The following LHFPL3 variants were observed in gnomAD, a reference collection of about 807,000 sequenced individuals.
LHFPL3 encodes LHFPL tetraspan subfamily member 3.
Under a neutral mutation model 19.3 loss-of-function variants are expected in LHFPL3, and 5 were observed. The ratio of observed to expected loss-of-function variants is 0.26; its 90% confidence interval spans 0.14 to 0.54. The LOEUF is 0.54. Among genes scored for constraint, LHFPL3 ranks in the 20% least tolerant of loss-of-function variants. The probability of loss-of-function intolerance (pLI) is 0.94; values close to 1 mark genes in which losing one functional copy is unlikely to be tolerated. For missense variants in LHFPL3, 249 were observed against 307.4 expected (o/e 0.81, Z 1.42); for synonymous variants, 133 against 126.2 (o/e 1.05, Z -0.36).
intron 1 of LHFPL3, among the ~76,000 whole-genome samples, chr7:104,727,626 C>T (rs1294317801): frequency 6.6e-6 from 1 of 152,038 alleles, no homozygotes; most frequent in Non-Finnish European, 1.5e-5. Flanking sequence ...TATTGCAAAT[C>T]GGAAGAATTT....
At chr7:104,868,639 G>A (rs1211354516) in intron 2 of LHFPL3, among the ~76,000 whole-genome samples, 1 of 152,152 alleles carries the variant, frequency 6.6e-6, no homozygotes, top group Non-Finnish European at 1.5e-5. Flanking sequence ...TCGTGAAAAT[G>A]GCCATACTGC....
rs544448389 is a variant in LHFPL3, at chr7:104,626,575, A to T, written c.446-110100A>T. 1.1e-4 allele frequency among the ~76,000 whole-genome samples: 17 copies of T among 152,300 alleles called. No homozygotes were observed. The South Asian group carries it at 3.5e-3, about 32-fold the overall frequency. The stretch of plus-strand genomic sequence containing the variant: ...CAAAGGGATTTTAGATATTATGAAG[A>T]ACTGGGATGACTTAGTTGGGAACAT... On this transcript the variant is annotated intron_variant, in intron 1 of 2. Transcript: ENST00000424859.
At chr7:104,880,804 T>C (rs868813125) in intron 2 of LHFPL3, among the ~76,000 whole-genome samples, 15 of 152,316 alleles carry the variant, frequency 9.8e-5, no homozygotes, top group Middle Eastern at 6.8e-3. Context: ...TTCATGCCAG[T>C]TAATCCAATG....
intron 2 of LHFPL3, among the ~76,000 whole-genome samples, chr7:104,855,045 G>T (rs1487903837): frequency 6.6e-6 from 1 of 152,168 alleles, no homozygotes; most frequent in African/African-American, 2.4e-5. Flanking sequence ...CATTCTCCTT[G>T]ATCAGCTTAT....
At chr7:104,350,823 T>C (rs1165267575) in intron 1 of LHFPL3, among the ~76,000 whole-genome samples, 2 of 152,132 alleles carry the variant, frequency 1.3e-5, no homozygotes, top group African/African-American at 2.4e-5. Context: ...GTGAATTCCC[T>C]GAGGTCAGGA....
intron 1 of LHFPL3, among the ~76,000 whole-genome samples, chr7:104,608,761 T>C (rs1433103516): frequency 6.6e-6 from 1 of 152,106 alleles, no homozygotes; most frequent in East Asian, 1.9e-4. Flanking sequence ...GAGTGAATGG[T>C]ATTGGTGCAT....
chr7:104,562,260 T>A (rs56047720), intron 1 of LHFPL3, among the ~76,000 whole-genome samples: 32,858 of 151,348 alleles, frequency 0.22, 3,855 homozygotes, highest in Middle Eastern at 0.3. Flanking sequence ...TTCTCCTGGA[T>A]AATATCCTGC....
chr7:104,852,380 G>A (rs531846722), intron 2 of LHFPL3, among the ~76,000 whole-genome samples: 1 of 152,332 alleles, frequency 6.6e-6, no homozygotes, highest in East Asian at 1.9e-4. Context: ...AGGACACTAG[G>A]CAGGAAAGGG....
At chr7:104,853,973 G>A (rs1227191196) in intron 2 of LHFPL3, among the ~76,000 whole-genome samples, 1 of 152,124 alleles carries the variant, frequency 6.6e-6, no homozygotes, top group African/African-American at 2.4e-5. Context: ...AAGCAAAGAG[G>A]TGCTTGCATT....
intron 2 of LHFPL3, among the ~76,000 whole-genome samples, chr7:104,869,883 C>A (rs1791798679): frequency 6.6e-6 from 1 of 152,144 alleles, no homozygotes; most frequent in East Asian, 1.9e-4. Context: ...AAATGTGGCA[C>A]ATATACACCG....
chr7:104,350,649 C>T (rs575316252), intron 1 of LHFPL3, among the ~76,000 whole-genome samples: 13 of 152,224 alleles, frequency 8.5e-5, no homozygotes, highest in Admixed American at 2.0e-4. Context: ...GCTTATGTTC[C>T]GCTGGGGACT....
intron 1 of LHFPL3, among the ~76,000 whole-genome samples, chr7:104,338,036 A>G (rs1789864563): frequency 6.6e-6 from 1 of 152,100 alleles, no homozygotes; most frequent in South Asian, 2.1e-4. Flanking sequence ...AAGAGAGTAG[A>G]AAATACGAAT....
At chr7:104,553,298 A>G (rs925837351) in intron 1 of LHFPL3, among the ~76,000 whole-genome samples, 1 of 152,206 alleles carries the variant, frequency 6.6e-6, no homozygotes, top group Admixed American at 6.5e-5. Context: ...TAACTAGGGC[A>G]GAAGGCAGCC....
chr7:104,592,047 G>A (rs1010055379), intron 1 of LHFPL3, among the ~76,000 whole-genome samples: 1 of 152,014 alleles, frequency 6.6e-6, no homozygotes, highest in African/African-American at 2.4e-5. Flanking sequence ...TAGCTTCTTT[G>A]CGATGGGTTC....
At chr7:104,701,436 C>A (rs1438390893) in intron 1 of LHFPL3, among the ~76,000 whole-genome samples, 1 of 151,918 alleles carries the variant, frequency 6.6e-6, no homozygotes, top group Non-Finnish European at 1.5e-5. Flanking sequence ...GTATTACATA[C>A]TATATTCTTA....
chr7:104,864,381 G>A (rs1315756363), intron 2 of LHFPL3, among the ~76,000 whole-genome samples: 1 of 152,004 alleles, frequency 6.6e-6, no homozygotes, highest in African/African-American at 2.4e-5. Flanking sequence ...AAAAAGGGGT[G>A]ACAGATGGCA....
intron 1 of LHFPL3, among the ~76,000 whole-genome samples, chr7:104,529,545 G>A (rs1285959074): frequency 6.6e-6 from 1 of 152,138 alleles, no homozygotes; most frequent in Non-Finnish European, 1.5e-5. Flanking sequence ...GAAGCGCGAT[G>A]AGAACGTATG....
intron 1 of LHFPL3, among the ~76,000 whole-genome samples, chr7:104,581,816 G>C (rs1231970689): frequency 6.6e-6 from 1 of 151,876 alleles, no homozygotes; most frequent in Non-Finnish European, 1.5e-5. Flanking sequence ...TTATATTTCA[G>C]CTCTCTATTT....
chr7:104,744,067 C>A (rs2116324971), intron 2 of LHFPL3: 1 of 149,978 alleles, frequency 6.7e-6, no homozygotes, highest in Admixed American at 6.7e-5. Flanking sequence ...CCCAACTGGT[C>A]TCGCGAAGTC....
Sources: allele counts gnomAD v4.1 joint callset (sites outside exome capture counted in the v4.1 genomes callset), GRCh38; gene constraint gnomAD v4.1.1; transcripts MANE v1.5; gene names NCBI Gene and HGNC (gene_info 2026-07-23, HGNC 2026-07-21).